Variants in PRKN observed in about 807,000 individuals in gnomAD.
PRKN encodes E3 ubiquitin-protein ligase parkin.
Under a neutral mutation model 59.5 loss-of-function variants are expected in PRKN, and 56 were observed. The ratio of observed to expected loss-of-function variants is 0.94; its 90% CI spans 0.76 to 1.18. The LOEUF (loss-of-function observed/expected upper bound fraction) is 1.18. PRKN is among the 50% of genes most tolerant of loss of function. The pLI is 0.00. For synonymous variants in PRKN, 250 were observed against 222.1 expected, an observed-to-expected ratio of 1.13 and a Z score of -1.12; for missense variants, 657 against 596.4, an observed-to-expected ratio of 1.10 and a Z score of -1.06.
At chr6:162,317,186 C>T (rs541284327) in intron 2 of PRKN, among the ~76,000 whole-genome samples, 2 of 152,076 alleles carry the variant, frequency 1.3e-5, no homozygotes, top group African/African-American at 4.8e-5. Flanking sequence ...GCTGTGTCCC[C>T]ATCCAAATCT....
At position 161,549,356 on chromosome 6, in the gene PRKN, T is replaced by C. The variant is rs982862498; in HGVS notation, c.934-353A>G. Among the ~76,000 whole-genome samples the C allele has an allele frequency of 1.3e-5, 2 of 152,214 alleles. No individual in the cohort carries two copies. The highest frequency in any genetic ancestry group is 2.4e-5 in the African/African-American group (1 of 41,460). On this transcript the variant is annotated intron_variant, in intron 8 of 11. Transcript: ENST00000366898. This position sits in a 1 kb window ranked among gnomAD's most constrained non-coding sequence, Gnocchi z 6.0. ...TATTTCATATACATTTTGAGGAACA[T>C]ATTTATGTATTAAATGATGAACACT...
chr6:162,075,653 G>C (rs1207594102), intron 4 of PRKN, among the ~76,000 whole-genome samples: 3 of 151,876 alleles, frequency 2.0e-5, no homozygotes, highest in African/African-American at 4.8e-5. Context: ...CAACGTTTTG[G>C]AGTGGTGGAG....
intron 6 of PRKN, among the ~76,000 whole-genome samples, chr6:161,946,490 T>C (rs1220086799): frequency 2.7e-5 from 4 of 150,688 alleles, no homozygotes; most frequent in African/African-American, 7.3e-5. Flanking sequence ...CTTGAATCCA[T>C]AGAATCCTCA....
chr6:162,590,333 T>C (rs924481559), intron 1 of PRKN, among the ~76,000 whole-genome samples: 1 of 152,176 alleles, frequency 6.6e-6, no homozygotes. Flanking sequence ...AAAGAAAGTA[T>C]CTGAGAGAAA....
chr6:162,516,029 T>C (rs1384002801), intron 1 of PRKN, among the ~76,000 whole-genome samples: 2 of 152,206 alleles, frequency 1.3e-5, no homozygotes. Flanking sequence ...CTTACCCCAG[T>C]AAGCTGCTTC....
intron 1 of PRKN, among the ~76,000 whole-genome samples, chr6:162,705,040 A>G (rs1778290359): frequency 6.6e-6 from 1 of 152,172 alleles, no homozygotes; most frequent in African/African-American, 2.4e-5. Context: ...GCTTTTTTAA[A>G]AAAAATTGCT....
chr6:162,003,203 T>C (rs1782124067), intron 5 of PRKN, among the ~76,000 whole-genome samples: 1 of 81,144 alleles, frequency 1.2e-5, no homozygotes, highest in South Asian at 4.5e-4. Flanking sequence ...TGGGAGGTTG[T>C]TGACAAAAAA....
chr6:161,695,765 A>G (rs1274242675), intron 7 of PRKN, among the ~76,000 whole-genome samples: 3 of 152,214 alleles, frequency 2.0e-5, no homozygotes, highest in Non-Finnish European at 4.4e-5. Context: ...TGGAAGAGAA[A>G]GTTGGAAACG....
chr6:161,390,737 C>T lies in PRKN; in HGVS notation c.1084-3860G>A, dbSNP rs1300242396. 6.6e-6 allele frequency among the ~76,000 whole-genome samples: 1 copy of T among 152,174 alleles called. No individual in the cohort carries two copies. Among genetic ancestry groups the T allele is most frequent in the African/African-American group, 2.4e-5 (1 of 41,408 alleles). ...CTCCTGACCTCAGGTGATCCACCCG[C>T]CTCGGCCTCCCAAAGTGCTGGGATT... On this transcript the variant is annotated intron_variant, in intron 9 of 11. Coordinates refer to ENST00000366898, the MANE Select transcript of PRKN (RefSeq NM_004562.3). The surrounding 1 kb of genome is among the most constrained non-coding windows in gnomAD (Gnocchi z 7.0).
Position 161,518,213 on chromosome 6 carries a change from G to A in PRKN, c.1083+30641C>T, listed in dbSNP as rs960225058. Among the ~76,000 whole-genome samples, 3 of 152,222 alleles carry A rather than the reference G, an allele frequency of 2.0e-5. No homozygotes were observed. The highest frequency in any genetic ancestry group is 4.4e-5 in the Non-Finnish European group (3 of 68,036). On this transcript the variant is annotated intron_variant, in intron 9 of 11. Transcript: ENST00000366898. The surrounding 1 kb of genome is among the most constrained non-coding windows in gnomAD (Gnocchi z 5.0). ...ATGGGGCCGGGGAGGTGGCAACATA[G>A]GTGCATGAGAGGGGGACTGCCCCCA...
At chr6:161,729,964 T>C (rs1164786943) in intron 7 of PRKN, among the ~76,000 whole-genome samples, 2 of 152,090 alleles carry the variant, frequency 1.3e-5, no homozygotes, top group Non-Finnish European at 2.9e-5. Flanking sequence ...TGCATTCTGA[T>C]GTGTTGCATT....
rs147440858 is a variant in PRKN, at chr6:161,749,194, G to A, written c.871+36578C>T. Among the ~76,000 whole-genome samples the A allele has an allele frequency of 7.1e-3, 1,087 of 152,306 alleles. 17 individuals carry two copies. Among genetic ancestry groups the A allele is most frequent in the African/African-American group, 0.024 (1,010 of 41,560 alleles). On this transcript the variant is annotated intron_variant, in intron 7 of 11. Transcript: ENST00000366898. ...TAGCAATGTCTACTGGGACCTAGAG[G>A]GGCGCAGCTTCGCCTATTTCTCTGA...
At chr6:161,697,326 A>G (rs1786063320) in intron 7 of PRKN, among the ~76,000 whole-genome samples, 1 of 152,224 alleles carries the variant, frequency 6.6e-6, no homozygotes, top group Non-Finnish European at 1.5e-5. Context: ...TGCACACATT[A>G]TAATATTTGC....
At chr6:161,389,912 C>A (rs1786432302) in intron 9 of PRKN, among the ~76,000 whole-genome samples, 1 of 152,134 alleles carries the variant, frequency 6.6e-6, no homozygotes, top group African/African-American at 2.4e-5. Flanking sequence ...CCCTTTCACA[C>A]CAGTACTACA....
At chr6:162,500,819 A>C (rs555155820) in intron 1 of PRKN, among the ~76,000 whole-genome samples, 2 of 152,256 alleles carry the variant, frequency 1.3e-5, no homozygotes, top group African/African-American at 2.4e-5. Flanking sequence ...ATGTTTCTCT[A>C]GGTATATTTA....
rs62435934 is a variant in PRKN at position 161,413,532 on chromosome 6, C to A, written c.1084-26655G>T. Reference sequence around the variant, plus strand: ...ACTGGGGGAGAAGGCCGGAACCTGGCGGGCTCATGTGGGCACGCTGGCCAT... The same window carrying A: ...ACTGGGGGAGAAGGCCGGAACCTGGAGGGCTCATGTGGGCACGCTGGCCAT... On this transcript the variant is annotated intron_variant, in intron 9 of 11. Coordinates refer to ENST00000366898, the MANE Select transcript of PRKN (RefSeq NM_004562.3). This position sits in a 1 kb window ranked among gnomAD's most constrained non-coding sequence, Gnocchi z 4.4. 0.068 allele frequency among the ~76,000 whole-genome samples: 10,376 copies of A among 152,158 alleles called. 407 individuals are homozygous for A. Among genetic ancestry groups the A allele is most frequent in the Non-Finnish European group, 0.081 (5,487 of 67,992 alleles).
intron 6 of PRKN, among the ~76,000 whole-genome samples, chr6:161,897,824 G>T (rs964580393): frequency 7.2e-6 from 1 of 139,460 alleles, no homozygotes; most frequent in Non-Finnish European, 1.5e-5. Context: ...AAAAAGTTCC[G>T]GGCGTAGTGG....
chr6:162,650,134 A>G (rs1378292163), intron 1 of PRKN, among the ~76,000 whole-genome samples: 1 of 152,112 alleles, frequency 6.6e-6, no homozygotes, highest in Admixed American at 6.6e-5. Context: ...TGAATTCTAC[A>G]CCAATATATA....
At chr6:162,176,339 C>T (rs1381796060) in intron 4 of PRKN, among the ~76,000 whole-genome samples, 1 of 152,186 alleles carries the variant, frequency 6.6e-6, no homozygotes, top group East Asian at 1.9e-4. Context: ...AGTGAAAGAA[C>T]TGTGCAGTCA....
Sources: allele counts gnomAD v4.1 joint callset (sites outside exome capture counted in the v4.1 genomes callset), GRCh38; gene constraint gnomAD v4.1.1; non-coding constraint Gnocchi (gnomAD v3.1); transcripts MANE v1.5; gene names NCBI Gene and HGNC (gene_info 2026-07-23, HGNC 2026-07-21).